The following ZFYVE9 variants were observed in gnomAD, a reference collection of about 807,000 sequenced individuals.
ZFYVE9 encodes zinc finger FYVE domain-containing protein 9.
A neutral mutation model predicts 126.7 loss-of-function variants in ZFYVE9; 43 were observed. The observed-to-expected ratio is 0.34, with a 90% CI of 0.27 to 0.44. The LOEUF is 0.44. Ranked by LOEUF, ZFYVE9 falls within the 20% of genes least tolerant of loss-of-function variation. The pLI, the probability that ZFYVE9 is intolerant of heterozygous loss-of-function variation, is 1.00. For missense variants in ZFYVE9, 1,476 were observed against 1,697.0 expected, an observed-to-expected ratio of 0.87 and a Z score of 2.29; for synonymous variants, 521 against 597.4, an observed-to-expected ratio of 0.87 and a Z score of 1.87.
At chr1:52,249,978 T>G (rs1645427760) in intron 4 of ZFYVE9, among the ~76,000 whole-genome samples, 1 of 152,230 alleles carries the variant, frequency 6.6e-6, no homozygotes, top group African/African-American at 2.4e-5. Context: ...TCTTTATGTC[T>G]GTCTTTAATG....
chr1:52,143,749 TA>T (rs1171752650), intron 1 of ZFYVE9, among the ~76,000 whole-genome samples: 2 of 152,230 alleles, frequency 1.3e-5, no homozygotes, highest in Non-Finnish European at 2.9e-5. Flanking sequence ...ATTCATCAAT[TA>T]AAACAGAAGA....
chr1:52,272,859 A>T (rs1336419102), intron 7 of ZFYVE9, among the ~76,000 whole-genome samples: 1 of 151,564 alleles, frequency 6.6e-6, no homozygotes, highest in African/African-American at 2.4e-5. Flanking sequence ...ATGGGATTTC[A>T]CCATATTGGC....
At chr1:52,193,800 ACG>A (rs1189668887) in intron 1 of ZFYVE9, among the ~76,000 whole-genome samples, 1 of 150,584 alleles carries the variant, frequency 6.6e-6, no homozygotes, top group Non-Finnish European at 1.5e-5. Context: ...ACACACACGC[ACG>A]CGCGCACACA....
At chr1:52,268,758 A>G (rs1645659098) in intron 7 of ZFYVE9, 126 bp downstream of exon 7, 6 of 1,127,348 alleles carry the variant, frequency 5.3e-6, no homozygotes, top group Non-Finnish European at 7.2e-6. Context: ...ACGTGCACAT[A>G]TATGGATAAA....
At chr1:52,273,555 G>A (rs190565043) in intron 7 of ZFYVE9, among the ~76,000 whole-genome samples, 74 of 152,144 alleles carry the variant, frequency 4.9e-4, no homozygotes, top group African/African-American at 1.6e-3. Context: ...TTCAGGCCGG[G>A]TGCAGTGGCT....
At position 52,287,932 on chromosome 1, in the gene ZFYVE9, G is replaced by A. The variant is rs17107152; in HGVS notation, c.3026-5521G>A. ...TATTTTTCAAATTCTGAACCTTTTGGTAAATTTATTAGAATTATGGTATTG... is the reference window on the plus strand; with the variant it reads ...TATTTTTCAAATTCTGAACCTTTTGATAAATTTATTAGAATTATGGTATTG... On this transcript the variant is annotated intron_variant, in intron 10 of 18. Transcript: ENST00000287727. 7.5e-3 allele frequency among the ~76,000 whole-genome samples: 1,136 copies of A among 152,128 alleles called. 10 individuals carry two copies. Among genetic ancestry groups the A allele is most frequent in the African/African-American group, 0.025 (1,051 of 41,474 alleles).
At chr1:52,154,630 C>A (rs1222920895) in intron 1 of ZFYVE9, among the ~76,000 whole-genome samples, 6 of 152,202 alleles carry the variant, frequency 3.9e-5, no homozygotes, top group Admixed American at 1.3e-4. Context: ...TCCACCCATA[C>A]CCCTTGCCTT....
chr1:52,213,199 G>A (rs1645043238), intron 1 of ZFYVE9, among the ~76,000 whole-genome samples: 1 of 151,904 alleles, frequency 6.6e-6, no homozygotes, highest in Admixed American at 6.6e-5. Context: ...ATTGCTTGTT[G>A]GTTTCTCTCT....
intron 13 of ZFYVE9, among the ~76,000 whole-genome samples, chr1:52,309,965 T>C (rs961729441): frequency 6.6e-6 from 1 of 152,132 alleles, no homozygotes; most frequent in African/African-American, 2.4e-5. Flanking sequence ...CTGGTTCATA[T>C]ATATATGTAT....
At chr1:52,335,962 C>T (rs1411011945) in intron 15 of ZFYVE9, among the ~76,000 whole-genome samples, 1 of 152,040 alleles carries the variant, frequency 6.6e-6, no homozygotes, top group African/African-American at 2.4e-5. Context: ...GGTGAAACCC[C>T]ATCTCAACTA....
At chr1:52,195,343 T>G (rs1423730288) in intron 1 of ZFYVE9, among the ~76,000 whole-genome samples, 1 of 152,224 alleles carries the variant, frequency 6.6e-6, no homozygotes, top group African/African-American at 2.4e-5. Flanking sequence ...TTGCCTAGAT[T>G]CAAATTCTGG....
intron 1 of ZFYVE9, among the ~76,000 whole-genome samples, chr1:52,163,277 A>G (rs947965178): frequency 6.6e-6 from 1 of 152,158 alleles, no homozygotes; most frequent in Non-Finnish European, 1.5e-5. Flanking sequence ...CAGTTTCTTC[A>G]TGAACATTAA....
At chr1:52,271,026 ATAAAAT>A (rs2147805596) in intron 7 of ZFYVE9, among the ~76,000 whole-genome samples, 1 of 152,326 alleles carries the variant, frequency 6.6e-6, no homozygotes, top group East Asian at 1.9e-4. Context: ...CTGTCTCTAT[ATAAAAT>A]TAAAAAATTA....
intron 17 of ZFYVE9, among the ~76,000 whole-genome samples, chr1:52,341,768 G>T (rs1646439441): frequency 6.6e-6 from 1 of 152,178 alleles, no homozygotes; most frequent in South Asian, 2.1e-4. Flanking sequence ...TGGTTCTCCA[G>T]TTCTGAGCAG....
At chr1:52,164,096 T>C (rs1285094865) in intron 1 of ZFYVE9, among the ~76,000 whole-genome samples, 1 of 150,828 alleles carries the variant, frequency 6.6e-6, no homozygotes, top group African/African-American at 2.4e-5. Context: ...GGACTATAGA[T>C]GCGCACCACC....
chr1:52,171,539 G>A (rs992258152), intron 1 of ZFYVE9, among the ~76,000 whole-genome samples: 2 of 152,138 alleles, frequency 1.3e-5, no homozygotes, highest in African/African-American at 4.8e-5. Context: ...TGGGTCAAAT[G>A]GTTTTTCTAG....
In ZFYVE9 at chr1:52,203,169, A is replaced by G. The variant is rs1644940381; in HGVS notation, c.-142-13200A>G. ...TTCTTTTCTTTACTCCTCCGTAGGTATAGTGTTTTTTTGTTTTGTTTTGTT... is the reference window on the plus strand; with the variant it reads ...TTCTTTTCTTTACTCCTCCGTAGGTGTAGTGTTTTTTTGTTTTGTTTTGTT... On this transcript the variant is annotated intron_variant, in intron 1 of 18. Coordinates refer to ENST00000287727, the MANE Select transcript of ZFYVE9 (RefSeq NM_004799.4). 4.6e-5 allele frequency among the ~76,000 whole-genome samples: 7 copies of G among 151,008 alleles called. No homozygotes were observed. In the South Asian group the frequency reaches 1.3e-3, roughly 27 times the overall value.
intron 13 of ZFYVE9, among the ~76,000 whole-genome samples, chr1:52,319,829 A>G (rs1646221564): frequency 6.6e-6 from 1 of 151,352 alleles, no homozygotes; most frequent in South Asian, 2.1e-4. Context: ...CCTGGCCAAC[A>G]TGGTGAAATC....
chr1:52,258,710 T>C (rs1645547552), intron 4 of ZFYVE9, among the ~76,000 whole-genome samples: 1 of 152,204 alleles, frequency 6.6e-6, no homozygotes, highest in African/African-American at 2.4e-5. Context: ...GACCTATGAA[T>C]CTCACTACGT....
Sources: gnomAD v4.1 joint callset for allele counts (sites outside exome capture counted in the v4.1 genomes callset) on GRCh38, gnomAD v4.1.1 for gene constraint, MANE v1.5 for transcripts, NCBI Gene and HGNC (gene_info 2026-07-23, HGNC 2026-07-21) for gene names.